The following LBH variants were observed in gnomAD, a reference collection of about 807,000 sequenced individuals.
The protein encoded by LBH is LBH regulator of Wnt signaling pathway, also known as protein LBH.
Under a neutral mutation model 12.5 loss-of-function variants are expected in LBH, and 7 were observed. That is an observed-to-expected ratio of 0.56 (90% confidence interval 0.32 to 1.05). The LOEUF is 1.05. Ranked by LOEUF, LBH falls within the 50% of genes least tolerant of loss-of-function variation. The pLI is 0.04. For synonymous variants in LBH, 51 were observed against 50.1 expected (o/e 1.02, Z -0.08); for missense variants, 119 against 138.9 (o/e 0.86, Z 0.72).
intron 2 of LBH, among the ~76,000 whole-genome samples, chr2:30,251,627 A>T (rs1347864490): frequency 6.8e-6 from 1 of 147,584 alleles, no homozygotes; most frequent in African/African-American, 2.5e-5. Context: ...AGATTGTGCC[A>T]TTGCACTCTA....
chr2:30,250,110 C>CG (rs1441526904), intron 2 of LBH, among the ~76,000 whole-genome samples: 3 of 152,196 alleles, frequency 2.0e-5, no homozygotes. Flanking sequence ...CCAGATCCTT[C>CG]GGACTCTGTG....
At chr2:30,244,455 C>T (rs976968866) in intron 2 of LBH, among the ~76,000 whole-genome samples, 1 of 152,104 alleles carries the variant, frequency 6.6e-6, no homozygotes, top group Non-Finnish European at 1.5e-5. Context: ...AATCCATTTC[C>T]ACATCTTAAG....
rs189351904 is a variant in LBH, at chr2:30,252,859, T to G, written c.130-4574T>G. ...GGTGTAGGGCTGGGAGAATCACAGC[T>G]GGGGGTGGATTCTTCTAGACCTGCC... On this transcript the variant is annotated intron_variant, in intron 2 of 2. Transcript: ENST00000395323. Among the ~76,000 whole-genome samples, 8 of 152,262 alleles carry G rather than the reference T, an allele frequency of 5.3e-5. No homozygotes were observed. In the East Asian group the frequency reaches 1.5e-3, roughly 29 times the overall value.
intron 2 of LBH, among the ~76,000 whole-genome samples, chr2:30,243,653 C>A (rs967398393): frequency 2.0e-5 from 3 of 151,760 alleles, no homozygotes; most frequent in African/African-American, 7.3e-5. Context: ...GCCTCAGTTC[C>A]CTCAGTAGCT....
intron 2 of LBH, among the ~76,000 whole-genome samples, chr2:30,246,768 CTCTT>C (rs70962267): frequency 7.4e-5 from 11 of 147,958 alleles, no homozygotes; most frequent in East Asian, 2.0e-4. Flanking sequence ...TTCCTTCTTT[CTCTT>C]TCTTTCTTTC....
At chr2:30,246,358 A>G (rs181385624) in intron 2 of LBH, among the ~76,000 whole-genome samples, 1 of 152,288 alleles carries the variant, frequency 6.6e-6, no homozygotes, top group Non-Finnish European at 1.5e-5. Flanking sequence ...AGGACTACCC[A>G]AAGAGCTTCT....
At chr2:30,234,596 C>T in intron 2 of LBH, 89 bp downstream of exon 2, 1 of 863,774 alleles carries the variant, frequency 1.2e-6, no homozygotes. Context: ...ATCCCAGTGC[C>T]ACATATAAGA....
At chr2:30,237,429 T>C (rs894498692) in intron 2 of LBH, among the ~76,000 whole-genome samples, 5 of 152,174 alleles carry the variant, frequency 3.3e-5, no homozygotes, top group African/African-American at 9.7e-5. Flanking sequence ...TTGCCAATGA[T>C]GCCGCTTCGA....
Position 30,232,134 on chromosome 2 carries a change from G to A in LBH, c.26+370G>A, listed in dbSNP as rs1558384112. 6 of 1,545,812 alleles carry A rather than the reference G, an allele frequency of 3.9e-6. No individual in the cohort carries two copies. The East Asian group carries it at 1.5e-4, about 38-fold the overall frequency. On this transcript the variant is annotated intron_variant, in intron 1 of 2. Coordinates refer to ENST00000395323, the MANE Select transcript of LBH (RefSeq NM_030915.4). ...GCGCAGGGGGGCTCCTGCTCTTCCC[G>A]GGCCCCTCCTCTTTTTCTTTTTGTT...
chr2:30,243,525 C>CTTTTTTT (rs886828942), intron 2 of LBH, among the ~76,000 whole-genome samples: 3 of 110,180 alleles, frequency 2.7e-5, no homozygotes, highest in East Asian at 2.6e-4. Flanking sequence ...GGGCTGGACT[C>CTTTTTTT]TTTTTTTTTT....
At chr2:30,237,445 C>CTTCGAGGATAT (rs1195699745) in intron 2 of LBH, among the ~76,000 whole-genome samples, 1 of 152,150 alleles carries the variant, frequency 6.6e-6, no homozygotes, top group East Asian at 1.9e-4. Context: ...TTCGAGGATA[C>CTTCGAGGATAT]GGGTCCTGTT....
chr2:30,258,784 G>C lies in LBH; in HGVS notation c.*1163G>C, dbSNP rs758669176. On this transcript the variant is annotated 3_prime_UTR_variant, in exon 3 of 3. Coordinates refer to ENST00000395323, the MANE Select transcript of LBH (RefSeq NM_030915.4). Reference sequence around the variant, plus strand: ...CTTGCATGGTGGGGACAAGGCTGTCGTGGCAACCTTGGGATCGAGTTTGAG... The same window carrying C: ...CTTGCATGGTGGGGACAAGGCTGTCCTGGCAACCTTGGGATCGAGTTTGAG... 2 of 152,208 alleles carry C rather than the reference G, an allele frequency of 1.3e-5. No homozygotes were observed. The highest frequency in any genetic ancestry group is 4.8e-5 in the African/African-American group (2 of 41,420). The allele number at this position is 152,208 out of a possible 1,614,324, so 9.4% of individuals were successfully genotyped here.
Position 30,257,600 on chromosome 2 carries a change from G to A in LBH, c.297G>A (p.Ala99=), listed in dbSNP as rs372905950. Residue 99 remains alanine (A), a synonymous_variant, in exon 3 of 3, where the codon GCG becomes GCA. Transcript: ENST00000395323. ...EDEQDNCEET[A]KENKEQ is the part of the protein sequence containing the mutation. ...AGCAAGATAACTGCGAAGAGACAGC[G>A]AAAGAAAATAAAGAGCAGTAGAGTC... is the stretch of plus-strand genomic sequence containing the variant. The A allele has an allele frequency of 3.7e-4, 593 of 1,612,900 alleles. 2 individuals are homozygous for A. Among genetic ancestry groups the A allele is most frequent in the South Asian group, 1.9e-3 (172 of 91,010 alleles).
In LBH at chr2:30,257,729, C is replaced by T; in HGVS notation, c.*108C>T. On this transcript the variant is annotated 3_prime_UTR_variant, in exon 3 of 3. Coordinates refer to ENST00000395323, the MANE Select transcript of LBH (RefSeq NM_030915.4). ...TGAGCCGCAATTGTTCTGAAAATGTCAAACGAGGCTTCTGTTTTGCACCTG... is the reference window on the plus strand; with the variant it reads ...TGAGCCGCAATTGTTCTGAAAATGTTAAACGAGGCTTCTGTTTTGCACCTG... 1 of 786,934 alleles carries T rather than the reference C, an allele frequency of 1.3e-6. No homozygotes were observed. The highest frequency in any genetic ancestry group is 1.9e-6 in the Non-Finnish European group (1 of 523,002). The allele number at this position is 786,934 out of a possible 1,614,324, so 48.7% of individuals were successfully genotyped here. A position where few individuals can be genotyped will look rare whatever the true frequency, so the allele number is the denominator to read the frequency against.
intron 2 of LBH, among the ~76,000 whole-genome samples, chr2:30,237,650 T>C: frequency 6.6e-6 from 1 of 152,168 alleles, no homozygotes; most frequent in East Asian, 1.9e-4. Context: ...CGCTCATGCC[T>C]ACCAAGGTTT....
Position 30,257,517 on chromosome 2 carries a change from G to C in LBH, c.214G>C (p.Glu72Gln). 1 of 1,614,262 alleles carries C rather than the reference G, an allele frequency of 6.2e-7. No homozygotes were observed. Among genetic ancestry groups the C allele is most frequent in the Non-Finnish European group, 8.5e-7 (1 of 1,180,052 alleles). Residue 72 changes from glutamate to glutamine, a missense_variant, in exon 3 of 3, where the codon GAG becomes CAG. By Grantham distance (29) the Glu-to-Gln change is conservative. Transcript: ENST00000395323. The part of the protein sequence containing the change: ...PSIVVEPTEG[E>Q]VESGELRWPP... ...CATAGTGGTGGAACCCACAGAAGGG[G>C]AGGTGGAGAGCGGGGAGCTCCGGTG...
intron 2 of LBH, among the ~76,000 whole-genome samples, chr2:30,238,410 C>T (rs1325685305): frequency 6.6e-6 from 1 of 152,232 alleles, no homozygotes. Flanking sequence ...TTTCTCTAAT[C>T]AGCACACGTC....
intron 1 of LBH, chr2:30,234,144 A>C: frequency 2.3e-6 from 1 of 427,988 alleles, no homozygotes. Context: ...GCCAGTGGGG[A>C]CTAGAGTACA....
intron 1 of LBH, chr2:30,232,362 G>A (rs1215755369): frequency 9.3e-7 from 1 of 1,081,076 alleles, no homozygotes; most frequent in Non-Finnish European, 1.3e-6. Flanking sequence ...GCACATTGGT[G>A]GGGGCCGGGA....
Sources: allele counts gnomAD v4.1 joint callset (sites outside exome capture counted in the v4.1 genomes callset), GRCh38; gene constraint gnomAD v4.1.1; transcripts MANE v1.5; gene names NCBI Gene and HGNC (gene_info 2026-07-23, HGNC 2026-07-21).